The following PXDNL variants were observed in gnomAD, a reference collection of about 807,000 sequenced individuals.
PXDNL encodes the protein peroxidasin like, also known as probable oxidoreductase PXDNL.
In PXDNL, 145 loss-of-function variants were observed where a neutral mutation model predicts 150.8. The observed-to-expected ratio is 0.96, with a 90% CI of 0.84 to 1.10. PXDNL has a LOEUF of 1.10. Among genes scored for constraint, PXDNL ranks in the 50% least tolerant of loss-of-function variants. The pLI, the probability that PXDNL is intolerant of heterozygous loss-of-function variation, is 0.00. For synonymous variants in PXDNL, 757 were observed against 725.7 expected, an observed-to-expected ratio of 1.04 and a Z score of -0.69; for missense variants, 2,087 against 1,873.9, an observed-to-expected ratio of 1.11 and a Z score of -2.10.
At chr8:51,476,898 A>T (rs1271470315) in intron 6 of PXDNL, among the ~76,000 whole-genome samples, 1 of 152,226 alleles carries the variant, frequency 6.6e-6, no homozygotes, top group East Asian at 1.9e-4. Context: ...ATAACTTTTA[A>T]TCAAAATTAT....
At position 51,652,435 on chromosome 8, in the gene PXDNL, TCTCTCA is replaced by T. The variant is rs1300354920; in HGVS notation, c.236+2248_236+2253del. ...GTCTGTCTCTCTGTCTCTCTCTCTC[TCTCTCA>T]CACACACACACACACACACAAACAC... is the stretch of plus-strand genomic sequence containing the variant. On this transcript the variant is annotated intron_variant, in intron 2 of 22. Coordinates refer to ENST00000356297, the MANE Select transcript of PXDNL (RefSeq NM_144651.5). Among the ~76,000 whole-genome samples the T allele has an allele frequency of 1.7e-4, 24 of 144,208 alleles. No individual in the cohort carries two copies. The East Asian group carries it at 1.8e-3, about 11-fold the overall frequency. The allele number at this position is 144,208 out of a possible 152,430, so 94.6% of individuals were successfully genotyped here.
intron 1 of PXDNL, among the ~76,000 whole-genome samples, chr8:51,735,863 A>G (rs1230559607): frequency 3.3e-5 from 5 of 152,304 alleles, no homozygotes; most frequent in Admixed American, 2.6e-4. Context: ...TGTTTTAATC[A>G]TAATTAATTC....
chr8:51,392,653 G>A (rs545792234), intron 17 of PXDNL, among the ~76,000 whole-genome samples: 1 of 152,264 alleles, frequency 6.6e-6, no homozygotes, highest in East Asian at 1.9e-4. Flanking sequence ...AGACAATGGG[G>A]TTTTCTAGAT....
intron 1 of PXDNL, among the ~76,000 whole-genome samples, chr8:51,724,669 G>A (rs1816791243): frequency 2.0e-5 from 3 of 152,168 alleles, no homozygotes; most frequent in South Asian, 4.1e-4. Context: ...ACCATAGGCA[G>A]AGATGAGTAA....
chr8:51,664,161 A>C (rs1248588179), intron 1 of PXDNL, among the ~76,000 whole-genome samples: 2 of 152,174 alleles, frequency 1.3e-5, no homozygotes, highest in Non-Finnish European at 2.9e-5. Context: ...TCATTGGGTC[A>C]CATTCATTGG....
chr8:51,546,156 G>T (rs956494339), intron 4 of PXDNL, among the ~76,000 whole-genome samples: 2 of 152,222 alleles, frequency 1.3e-5, no homozygotes, highest in Non-Finnish European at 2.9e-5. Context: ...TACAAGTGCT[G>T]TGAGACAGCC....
At chr8:51,803,453 CCT>C (rs2037642424) in intron 1 of PXDNL, among the ~76,000 whole-genome samples, 1 of 152,130 alleles carries the variant, frequency 6.6e-6, no homozygotes, top group African/African-American at 2.4e-5. Context: ...TGACCCTGTC[CCT>C]CTCTTCCAAC....
chr8:51,554,177 T>A (rs1194785185), intron 4 of PXDNL, among the ~76,000 whole-genome samples: 1 of 152,126 alleles, frequency 6.6e-6, no homozygotes, highest in Non-Finnish European at 1.5e-5. Context: ...ATTCCTCAAA[T>A]TAGGGGCACA....
intron 4 of PXDNL, among the ~76,000 whole-genome samples, chr8:51,505,334 G>A (rs1811262712): frequency 1.6e-5 from 1 of 62,886 alleles, no homozygotes; most frequent in African/African-American, 1.2e-4. Context: ...AGAAGTTGCT[G>A]GTATCGCTGG....
intron 2 of PXDNL, among the ~76,000 whole-genome samples, chr8:51,650,007 G>A (rs1259802818): frequency 4.0e-5 from 6 of 150,212 alleles, no homozygotes; most frequent in African/African-American, 1.5e-4. Flanking sequence ...GGAGGCTGAG[G>A]CAGGAGAATC....
At chr8:51,655,981 A>G (rs1815140985) in intron 1 of PXDNL, among the ~76,000 whole-genome samples, 1 of 152,198 alleles carries the variant, frequency 6.6e-6, no homozygotes, top group African/African-American at 2.4e-5. Flanking sequence ...ATTTTGATAA[A>G]CTAATTTGAG....
chr8:51,423,678 C>A lies in PXDNL; in HGVS notation c.1692G>T (p.Thr564=), dbSNP rs370914039. ...GGAACCCTGCGTCGTAGATAGTCAG[C>A]GTGCCTTCATCATCCACATGGAATT... ...SGKFHVDDEG[T]LTIYDAGFPD... Residue 564 remains threonine (T), a synonymous_variant, in exon 14 of 23, where the codon ACG becomes ACT. Coordinates refer to ENST00000356297, the MANE Select transcript of PXDNL (RefSeq NM_144651.5). 1 of 1,613,590 alleles carries A rather than the reference C, an allele frequency of 6.2e-7. No homozygotes were observed. Among genetic ancestry groups the A allele is most frequent in the African/African-American group, 1.3e-5 (1 of 74,920 alleles).
chr8:51,495,220 C>A (rs1221941827), intron 5 of PXDNL, among the ~76,000 whole-genome samples: 2 of 152,084 alleles, frequency 1.3e-5, no homozygotes, highest in Non-Finnish European at 1.5e-5. Flanking sequence ...TAAAGATGTT[C>A]TTTGAAACCA....
At chr8:51,784,881 G>T (rs2037446504) in intron 1 of PXDNL, among the ~76,000 whole-genome samples, 1 of 152,014 alleles carries the variant, frequency 6.6e-6, no homozygotes, top group Non-Finnish European at 1.5e-5. Context: ...CCTCTTTTTA[G>T]CAGGAAAAAT....
intron 4 of PXDNL, among the ~76,000 whole-genome samples, chr8:51,530,988 C>G (rs1484263269): frequency 6.6e-6 from 1 of 152,100 alleles, no homozygotes; most frequent in Non-Finnish European, 1.5e-5. Context: ...TGAATGTGCA[C>G]AAGAATAAAT....
chr8:51,668,516 G>C (rs1172113587), intron 1 of PXDNL, among the ~76,000 whole-genome samples: 1 of 151,992 alleles, frequency 6.6e-6, no homozygotes, highest in African/African-American at 2.4e-5. Context: ...TAAGACAAAA[G>C]GCTAAAAGGA....
At chr8:51,683,261 C>T (rs1003850489) in intron 1 of PXDNL, among the ~76,000 whole-genome samples, 2 of 141,580 alleles carry the variant, frequency 1.4e-5, no homozygotes, top group Non-Finnish European at 3.0e-5. Flanking sequence ...ACTGATACCT[C>T]ATTTGGTATC....
At chr8:51,320,626 A>G (rs1341129500) in intron 22 of PXDNL, 158 bp downstream of exon 22, 1 of 588,034 alleles carries the variant, frequency 1.7e-6, no homozygotes, top group African/African-American at 1.9e-5. Flanking sequence ...AATAAGCAAA[A>G]GCCTCAAAAT....
At chr8:51,578,915 C>T (rs908229390) in intron 3 of PXDNL, among the ~76,000 whole-genome samples, 3 of 152,092 alleles carry the variant, frequency 2.0e-5, no homozygotes, top group South Asian at 2.1e-4. Context: ...GGCAAAAACA[C>T]GAGCCTTGAT....
Sources: gnomAD v4.1 joint callset for allele counts (sites outside exome capture counted in the v4.1 genomes callset) on GRCh38, gnomAD v4.1.1 for gene constraint, MANE v1.5 for transcripts, NCBI Gene and HGNC (gene_info 2026-07-23, HGNC 2026-07-21) for gene names.